The following NUDCD3 variants were observed in gnomAD, a reference collection of about 807,000 sequenced individuals.
The protein encoded by NUDCD3 is nudC domain-containing protein 3.
A neutral mutation model predicts 39.7 loss-of-function variants in NUDCD3; 13 were observed. The ratio of observed to expected loss-of-function variants is 0.33; its 90% confidence interval spans 0.21 to 0.52. The LOEUF (loss-of-function observed/expected upper bound fraction) is 0.52, where lower values mean the gene tolerates loss of function less well. NUDCD3 is among the 20% of genes least tolerant of loss of function. The pLI is 0.96. For missense variants in NUDCD3, 453 were observed against 458.1 expected (o/e 0.99, Z 0.10); for synonymous variants, 175 against 172.4 (o/e 1.02, Z -0.12).
intron 2 of NUDCD3, among the ~76,000 whole-genome samples, chr7:44,470,597 G>A (rs1055868912): frequency 5.3e-5 from 8 of 152,190 alleles, no homozygotes; most frequent in Admixed American, 4.6e-4. Flanking sequence ...CAAGGCCTGC[G>A]TGGACCGGGC....
chr7:44,454,169 C>T (rs1476145388), intron 2 of NUDCD3, among the ~76,000 whole-genome samples: 1 of 152,098 alleles, frequency 6.6e-6, no homozygotes, highest in East Asian at 1.9e-4. Flanking sequence ...GAAACGCTGT[C>T]TCTACTAAAA....
chr7:44,476,782 A>G (rs547623600), intron 2 of NUDCD3, among the ~76,000 whole-genome samples: 100 of 152,340 alleles, frequency 6.6e-4, no homozygotes, highest in Admixed American at 4.1e-3. Flanking sequence ...CTAATCACTG[A>G]AAATGTGGGC....
chr7:44,468,165 T>C (rs765037044), intron 2 of NUDCD3: 5 of 1,604,284 alleles, frequency 3.1e-6, no homozygotes, highest in Middle Eastern at 1.9e-4. Context: ...GTGCTGCTGA[T>C]GTGCAACAAA....
At chr7:44,399,287 A>C (rs1282604389) in intron 4 of NUDCD3, among the ~76,000 whole-genome samples, 1 of 152,220 alleles carries the variant, frequency 6.6e-6, no homozygotes, top group Non-Finnish European at 1.5e-5. Context: ...ACTGGAACTG[A>C]TGAAGGATTC....
At chr7:44,403,478 A>G (rs1326516381) in intron 4 of NUDCD3, among the ~76,000 whole-genome samples, 1 of 152,218 alleles carries the variant, frequency 6.6e-6, no homozygotes, top group East Asian at 1.9e-4. Context: ...TTTGATATCA[A>G]GACCAGAGTC....
chr7:44,404,618 T>A (rs1015381930), intron 3 of NUDCD3, 35 bp from the exon 4 acceptor site: 1 of 1,608,112 alleles, frequency 6.2e-7, no homozygotes, highest in Admixed American at 1.7e-5. Context: ...ATCTCTCCTA[T>A]CAGGGTGACC....
intron 1 of NUDCD3, among the ~76,000 whole-genome samples, chr7:44,487,463 A>C (rs1239205500): frequency 6.6e-6 from 1 of 151,830 alleles, no homozygotes; most frequent in East Asian, 1.9e-4. Context: ...AGGGACAGAA[A>C]AAAAAAAAAA....
chr7:44,476,028 A>G (rs1800362098), intron 2 of NUDCD3, among the ~76,000 whole-genome samples: 2 of 152,176 alleles, frequency 1.3e-5, no homozygotes, highest in South Asian at 4.1e-4. Flanking sequence ...TTCAATCCTC[A>G]CCACAGTCTA....
chr7:44,460,559 C>T (rs1465460430), intron 2 of NUDCD3, among the ~76,000 whole-genome samples: 1 of 152,066 alleles, frequency 6.6e-6, no homozygotes, highest in African/African-American at 2.4e-5. Context: ...TACTTACCAA[C>T]ACCAAAACTA....
intron 2 of NUDCD3, among the ~76,000 whole-genome samples, chr7:44,454,300 C>T (rs1799850550): frequency 6.6e-6 from 1 of 152,154 alleles, no homozygotes; most frequent in Non-Finnish European, 1.5e-5. Flanking sequence ...GATCGAGCCA[C>T]TGCACTCCAG....
intron 4 of NUDCD3, among the ~76,000 whole-genome samples, chr7:44,403,128 C>T (rs1053966918): frequency 2.0e-5 from 3 of 152,172 alleles, no homozygotes; most frequent in Non-Finnish European, 4.4e-5. Flanking sequence ...AGGAGAAGAG[C>T]ACTTCTCTGG....
intron 2 of NUDCD3, among the ~76,000 whole-genome samples, chr7:44,464,307 A>C (rs868374071): frequency 1.3e-5 from 2 of 152,220 alleles, no homozygotes; most frequent in African/African-American, 4.8e-5. Flanking sequence ...ACAGCAGGCC[A>C]ACTAGAAAGA....
At chr7:44,488,380 G>A (rs893644245) in intron 1 of NUDCD3, among the ~76,000 whole-genome samples, 1 of 150,766 alleles carries the variant, frequency 6.6e-6, no homozygotes, top group Non-Finnish European at 1.5e-5. Flanking sequence ...TTCCTTAAGC[G>A]ATGCTGATGG....
Position 44,427,755 on chromosome 7 carries a change from C to T in NUDCD3, c.510-52G>A, listed in dbSNP as rs377010396. 1.2e-4 allele frequency: 196 copies of T among 1,594,160 alleles called. 1 individual carries two copies. The African/African-American group carries it at 2.3e-3, about 18-fold the overall frequency. On this transcript the variant is annotated intron_variant, in intron 2 of 5. Coordinates refer to ENST00000355451, the MANE Select transcript of NUDCD3 (RefSeq NM_015332.4). ...CAGTCAGCCATGCCTGAGCAGAGGA[C>T]CCCATGGGCAGCCTAGCCCATGCCA...
At chr7:44,484,936 AAAG>A in intron 2 of NUDCD3, 29 bp downstream of exon 2, 1 of 1,516,742 alleles carries the variant, frequency 6.6e-7, no homozygotes, top group Non-Finnish European at 8.9e-7. Context: ...GTTACGCAAG[AAAG>A]AAGGAAGCTG....
intron 5 of NUDCD3, 110 bp from the exon 6 acceptor site, chr7:44,386,231 G>C: frequency 8.2e-7 from 1 of 1,213,444 alleles, no homozygotes; most frequent in Non-Finnish European, 1.2e-6. Flanking sequence ...TCAGGGCTCA[G>C]GCACTTGCCT....
intron 2 of NUDCD3, among the ~76,000 whole-genome samples, chr7:44,444,980 G>A (rs973535254): frequency 1.3e-5 from 2 of 152,086 alleles, no homozygotes; most frequent in Admixed American, 1.3e-4. Flanking sequence ...AACCAAACTT[G>A]CCTTTCTGAA....
Position 44,490,532 on chromosome 7 carries a change from G to T in NUDCD3, c.69C>A (p.Val23=), listed in dbSNP as rs1800718152. Residue 23 remains valine (V), a synonymous_variant, in exon 1 of 6, where the codon GTC becomes GTA. Coordinates refer to ENST00000355451, the MANE Select transcript of NUDCD3 (RefSeq NM_015332.4). ...LLGILQHVGN[V]QDFLRVLFGF... ...CAAAGAGAACGCGCAGGAAATCCTG[G>T]ACGTTGCCCACGTGCTGCAGGATGC... 3 of 1,612,422 alleles carry T rather than the reference G, an allele frequency of 1.9e-6. No individual in the cohort carries two copies. Among genetic ancestry groups the T allele is most frequent in the Non-Finnish European group, 2.5e-6 (3 of 1,179,304 alleles).
intron 1 of NUDCD3, chr7:44,485,743 A>C (rs1410852286): frequency 6.4e-6 from 1 of 157,270 alleles, no homozygotes; most frequent in Non-Finnish European, 1.4e-5. Flanking sequence ...ACCACACTGC[A>C]TGGACATTCA....
Sources: gnomAD v4.1 joint callset for allele counts (sites outside exome capture counted in the v4.1 genomes callset) on GRCh38, gnomAD v4.1.1 for gene constraint, MANE v1.5 for transcripts, NCBI Gene and HGNC (gene_info 2026-07-23, HGNC 2026-07-21) for gene names.